Variants in PCDHGC4 observed in about 807,000 individuals in gnomAD.
PCDHGC4 encodes the protein protocadherin gamma-C4.
Under a neutral mutation model 59.7 loss-of-function variants are expected in PCDHGC4, and 15 were observed. The ratio of observed to expected loss-of-function variants is 0.25; its 90% CI spans 0.17 to 0.39. The LOEUF is 0.39. PCDHGC4 is among the 10% of genes least tolerant of loss of function. The probability of loss-of-function intolerance (pLI) is 1.00; values close to 1 mark genes in which losing one functional copy is unlikely to be tolerated. For synonymous variants in PCDHGC4, 434 were observed against 481.4 expected (o/e 0.90, Z 1.29); for missense variants, 1,016 against 1,189.5 (o/e 0.85, Z 2.15).
intron 2 of PCDHGC4, among the ~76,000 whole-genome samples, chr5:141,499,083 C>G (rs2099789346): frequency 6.6e-6 from 1 of 152,082 alleles, no homozygotes; most frequent in African/African-American, 2.4e-5. Flanking sequence ...GAAGTTCCTG[C>G]TTGGCACATG....
In PCDHGC4 at chr5:141,491,722, C is replaced by T. The variant is rs1276921909; in HGVS notation, c.2443-3085C>T. ...CCAGGTGAGGGGCTCGGCGCCGCCC[C>T]GGGCGACCCCTGGGGGCGGCACTGG... On this transcript the variant is annotated intron_variant, in intron 1 of 3. Coordinates refer to ENST00000306593, the MANE Select transcript of PCDHGC4 (RefSeq NM_018928.3). This position sits in a 1 kb window ranked among gnomAD's most constrained non-coding sequence, Gnocchi z 6.9. The T allele has an allele frequency of 6.2e-7, 1 of 1,607,004 alleles. No homozygotes were observed.
chr5:141,508,334 C>T (rs1323577321), intron 3 of PCDHGC4: 2 of 151,150 alleles, frequency 1.3e-5, no homozygotes, highest in African/African-American at 4.9e-5. Flanking sequence ...GGAGAACTGA[C>T]TCTACAGAAA....
chr5:141,486,725 C>A lies in PCDHGC4; in HGVS notation c.1552C>A (p.His518Asn). 1 of 1,614,182 alleles carries A rather than the reference C, an allele frequency of 6.2e-7. No individual in the cohort carries two copies. The highest frequency in any genetic ancestry group is 1.1e-5 in the South Asian group (1 of 91,076). The change falls in exon 1 of 4, where the codon CAT becomes AAT. Residue 518 changes from histidine to asparagine, a missense_variant. His to Asn is a moderately conservative substitution (Grantham distance 68, BLOSUM62 1). Transcript: ENST00000306593. The surrounding 1 kb of genome is among the most constrained non-coding windows in gnomAD (Gnocchi z 5.0). ...TCTGAACCCCCAGACAGGAGCTGTT[C>A]ATGCTACTCGATCCTTTGACTATGA... The part of the protein sequence containing the change: ...ISLNPQTGAV[H>N]ATRSFDYEQT...
rs747917835 is a variant in PCDHGC4 at position 141,487,659 on chromosome 5, AT to A, written c.2442+45del. 3.7e-6 allele frequency: 6 copies of A among 1,613,466 alleles called. No homozygotes were observed. Among genetic ancestry groups the A allele is most frequent in the Non-Finnish European group, 5.1e-6 (6 of 1,179,716 alleles). On this transcript the variant is annotated intron_variant, in intron 1 of 3. Coordinates refer to ENST00000306593, the MANE Select transcript of PCDHGC4 (RefSeq NM_018928.3). This position sits in a 1 kb window ranked among gnomAD's most constrained non-coding sequence, Gnocchi z 5.0. ...CAACAAATGCTTGAGGGTTATTCTGATCCAGGCATATGGCTAGGCCATGTCC... is the reference window on the plus strand; with the variant it reads ...CAACAAATGCTTGAGGGTTATTCTGACCAGGCATATGGCTAGGCCATGTCC...
chr5:141,491,980 C>A lies in PCDHGC4; in HGVS notation c.2443-2827C>A. On this transcript the variant is annotated intron_variant, in intron 1 of 3. Coordinates refer to ENST00000306593, the MANE Select transcript of PCDHGC4 (RefSeq NM_018928.3). This position sits in a 1 kb window ranked among gnomAD's most constrained non-coding sequence, Gnocchi z 6.9. ...AAAAAAGGCCGGGGCCTCCTTCGAGCTTCCGGTGAATTTCGGGCGATTTCC... is the reference window on the plus strand; with the variant it reads ...AAAAAAGGCCGGGGCCTCCTTCGAGATTCCGGTGAATTTCGGGCGATTTCC... 1.3e-6 allele frequency: 1 copy of A among 784,426 alleles called. No homozygotes were observed. Among genetic ancestry groups the A allele is most frequent in the Non-Finnish European group, 1.9e-6 (1 of 530,582 alleles). The allele number at this position is 784,426 out of a possible 1,614,324, so 48.6% of individuals were successfully genotyped here.
In PCDHGC4 at chr5:141,510,353, C is replaced by G. The variant is rs74759939; in HGVS notation, c.2591-594C>G. On this transcript the variant is annotated intron_variant, in intron 3 of 3. Transcript: ENST00000306593. ...CACCCCCACCCCACACACTTACTAA[C>G]GGAACTACCGAATCTCTACTCGTGC... is the stretch of plus-strand genomic sequence containing the variant. Among the ~76,000 whole-genome samples the G allele has an allele frequency of 1.9e-4, 28 of 146,588 alleles. No homozygotes were observed. The East Asian group carries it at 5.6e-3, about 29-fold the overall frequency.
chr5:141,504,546 G>A (rs911626023), intron 2 of PCDHGC4, among the ~76,000 whole-genome samples: 5 of 151,802 alleles, frequency 3.3e-5, no homozygotes, highest in African/African-American at 1.2e-4. Flanking sequence ...CATGGCAAAT[G>A]TTGGGGGACT....
In PCDHGC4 at chr5:141,489,335, G is replaced by A. The variant is rs138015049; in HGVS notation, c.2442+1720G>A. The A allele has an allele frequency of 8.2e-5, 132 of 1,607,244 alleles. No individual in the cohort carries two copies. The African/African-American group carries it at 1.5e-3, about 18-fold the overall frequency. On this transcript the variant is annotated intron_variant, in intron 1 of 3. Transcript: ENST00000306593. This position sits in a 1 kb window ranked among gnomAD's most constrained non-coding sequence, Gnocchi z 4.5. ...TGGGGCTGGGTGTCTGGGCAGCTTC[G>A]TTACTCAGTGGTGGAGGAGTCTGAG...
chr5:141,490,092 C>T lies in PCDHGC4; in HGVS notation c.2442+2477C>T. On this transcript the variant is annotated intron_variant, in intron 1 of 3. Coordinates refer to ENST00000306593, the MANE Select transcript of PCDHGC4 (RefSeq NM_018928.3). This position sits in a 1 kb window ranked among gnomAD's most constrained non-coding sequence, Gnocchi z 5.4. ...AACTAGACTATTCTTTTGGAGACCA[C>T]ACATCTGAGGCAGTGCGGAACCTCT... 6.2e-7 allele frequency: 1 copy of T among 1,614,240 alleles called. No individual in the cohort carries two copies.
At position 141,491,561 on chromosome 5, in the gene PCDHGC4, A is replaced by C. The variant is rs1289732955; in HGVS notation, c.2443-3246A>C. The C allele has an allele frequency of 1.2e-6, 2 of 1,613,938 alleles. No homozygotes were observed. Among genetic ancestry groups the C allele is most frequent in the Admixed American group, 3.3e-5 (2 of 60,016 alleles). On this transcript the variant is annotated intron_variant, in intron 1 of 3. Transcript: ENST00000306593. This position sits in a 1 kb window ranked among gnomAD's most constrained non-coding sequence, Gnocchi z 6.9. ...CCCACAGACTCGCAGAGCCACTGCT[A>C]CAGGACGTGCTTTTCACCGGCCTCG...
intron 2 of PCDHGC4, among the ~76,000 whole-genome samples, chr5:141,501,288 T>TAC (rs1562199973): frequency 3.7e-5 from 3 of 81,228 alleles, no homozygotes; most frequent in South Asian, 4.2e-4. Context: ...GATATTCCCT[T>TAC]ATACACACAC....
At chr5:141,494,445 A>G (rs1424475551) in intron 1 of PCDHGC4, among the ~76,000 whole-genome samples, 1 of 152,158 alleles carries the variant, frequency 6.6e-6, no homozygotes, top group East Asian at 1.9e-4. Flanking sequence ...TTGCCACTTT[A>G]GGGGGCTTTG....
chr5:141,490,584 T>G lies in PCDHGC4; in HGVS notation c.2442+2969T>G, dbSNP rs751060540. 1 of 1,614,170 alleles carries G rather than the reference T, an allele frequency of 6.2e-7. No individual in the cohort carries two copies. Among genetic ancestry groups the G allele is most frequent in the South Asian group, 1.1e-5 (1 of 91,080 alleles). ...TCAGGCTCAACATTTCAGATGTCAA[T>G]GACAATGCACCCCGCTTCAACCAGC... On this transcript the variant is annotated intron_variant, in intron 1 of 3. Transcript: ENST00000306593. This position sits in a 1 kb window ranked among gnomAD's most constrained non-coding sequence, Gnocchi z 5.4.
chr5:141,489,713 A>G lies in PCDHGC4; in HGVS notation c.2442+2098A>G. On this transcript the variant is annotated intron_variant, in intron 1 of 3. Coordinates refer to ENST00000306593, the MANE Select transcript of PCDHGC4 (RefSeq NM_018928.3). The surrounding 1 kb of genome is among the most constrained non-coding windows in gnomAD (Gnocchi z 4.5). The stretch of plus-strand genomic sequence containing the variant: ...GCACGATTCCCACTGGACAGTGCCC[A>G]GGATCCGGATGTGGGCACCAATACT... 1.9e-6 allele frequency: 3 copies of G among 1,614,162 alleles called. No individual in the cohort carries two copies. The highest frequency in any genetic ancestry group is 2.5e-6 in the Non-Finnish European group (3 of 1,179,968).
chr5:141,509,059 C>T (rs1313349089), intron 3 of PCDHGC4, among the ~76,000 whole-genome samples: 2 of 152,182 alleles, frequency 1.3e-5, no homozygotes, highest in Non-Finnish European at 2.9e-5. Flanking sequence ...CCAGAAAGCT[C>T]TCAGCTCCGG....
At position 141,491,518 on chromosome 5, in the gene PCDHGC4, A is replaced by G. The variant is rs756813813; in HGVS notation, c.2443-3289A>G. 3 of 1,613,990 alleles carry G rather than the reference A, an allele frequency of 1.9e-6. No individual in the cohort carries two copies. The highest frequency in any genetic ancestry group is 3.3e-5 in the Admixed American group (2 of 60,028). ...GAGCTCGGACGGCACGCTCAAGTAC[A>G]TGGAGGTGACGCTGCGGCCCACAGA... On this transcript the variant is annotated intron_variant, in intron 1 of 3. Transcript: ENST00000306593. This position sits in a 1 kb window ranked among gnomAD's most constrained non-coding sequence, Gnocchi z 6.9.
chr5:141,496,287 C>T (rs768553690), intron 2 of PCDHGC4, among the ~76,000 whole-genome samples: 3 of 152,200 alleles, frequency 2.0e-5, no homozygotes, highest in Non-Finnish European at 4.4e-5. Flanking sequence ...TTGGTCTGAG[C>T]AGAGTGGGAT....
Position 141,490,765 on chromosome 5 carries a change from G to A in PCDHGC4, c.2442+3150G>A. The A allele has an allele frequency of 6.2e-7, 1 of 1,614,076 alleles. No individual in the cohort carries two copies. The highest frequency in any genetic ancestry group is 8.5e-7 in the Non-Finnish European group (1 of 1,179,914). ...AGCCCCAGCCTCCTCCTTTGTGTAT[G>A]TCAACCCAGAGGATGGACGGATCTT... On this transcript the variant is annotated intron_variant, in intron 1 of 3. Coordinates refer to ENST00000306593, the MANE Select transcript of PCDHGC4 (RefSeq NM_018928.3). This position sits in a 1 kb window ranked among gnomAD's most constrained non-coding sequence, Gnocchi z 5.4.
chr5:141,489,238 G>A lies in PCDHGC4; in HGVS notation c.2442+1623G>A. On this transcript the variant is annotated intron_variant, in intron 1 of 3. Coordinates refer to ENST00000306593, the MANE Select transcript of PCDHGC4 (RefSeq NM_018928.3). The surrounding 1 kb of genome is among the most constrained non-coding windows in gnomAD (Gnocchi z 4.5). ...TTACTCTCCACAAAGGGACTTCTGG[G>A]TCATGGGGCCCAAGACACTCCCACA... 6.5e-7 allele frequency: 1 copy of A among 1,534,146 alleles called. No homozygotes were observed.
Sources: allele counts gnomAD v4.1 joint callset (sites outside exome capture counted in the v4.1 genomes callset), GRCh38; gene constraint gnomAD v4.1.1; non-coding constraint Gnocchi (gnomAD v3.1); transcripts MANE v1.5; gene names NCBI Gene and HGNC (gene_info 2026-07-23, HGNC 2026-07-21).